TMEFF2: variants seen among roughly 807,000 people sequenced by gnomAD.
TMEFF2 encodes the protein tomoregulin-2.
Under a neutral mutation model 53.8 loss-of-function variants are expected in TMEFF2, and 28 were observed. That is an observed-to-expected ratio of 0.52 (90% CI 0.39 to 0.71). The LOEUF (loss-of-function observed/expected upper bound fraction) is 0.71, where lower values mean the gene tolerates loss of function less well. Among genes scored for constraint, TMEFF2 ranks in the 30% least tolerant of loss-of-function variants. TMEFF2 has a pLI of 0.00. For synonymous variants in TMEFF2, 162 were observed against 166.3 expected, an observed-to-expected ratio of 0.97 and a Z score of 0.20; for missense variants, 353 against 455.2, an observed-to-expected ratio of 0.78 and a Z score of 2.04.
Position 191,982,377 on chromosome 2 carries a change from A to G in TMEFF2, c.745+15885T>C, listed in dbSNP as rs541818544. On this transcript the variant is annotated intron_variant, in intron 7 of 9. Transcript: ENST00000272771. ...GTCTTCCTCCTGAGGATTAGTGTAT[A>G]GCAACAACTAGAACCAAGGGTGCAT... Among the ~76,000 whole-genome samples the G allele has an allele frequency of 3.9e-5, 6 of 152,262 alleles. No homozygotes were observed. In the East Asian group the frequency reaches 1.2e-3, roughly 29 times the overall value.
chr2:192,065,377 TAAAGC>T (rs1404403854), intron 4 of TMEFF2, among the ~76,000 whole-genome samples: 1 of 151,774 alleles, frequency 6.6e-6, no homozygotes, highest in Non-Finnish European at 1.5e-5. Context: ...AAGTGTGAAA[TAAAGC>T]AGGCAGTCCC....
At chr2:192,018,373 T>G (rs1042464911) in intron 5 of TMEFF2, among the ~76,000 whole-genome samples, 1 of 152,146 alleles carries the variant, frequency 6.6e-6, no homozygotes, top group African/African-American at 2.4e-5. Flanking sequence ...TTAAATTTCT[T>G]TTTTTACCCT....
intron 5 of TMEFF2, chr2:192,038,008 G>A (rs1465342774): frequency 6.6e-6 from 1 of 152,180 alleles, no homozygotes; most frequent in African/African-American, 2.4e-5. Context: ...TACAGATGGA[G>A]GAAAGTCACG....
chr2:191,970,578 A>T (rs541377036), intron 7 of TMEFF2, among the ~76,000 whole-genome samples: 1 of 152,266 alleles, frequency 6.6e-6, no homozygotes, highest in Non-Finnish European at 1.5e-5. Flanking sequence ...AACTTGAGAG[A>T]AAGTGTGGCC....
At chr2:192,093,722 T>C (rs16834171) in intron 4 of TMEFF2, among the ~76,000 whole-genome samples, 20 of 152,098 alleles carry the variant, frequency 1.3e-4, no homozygotes, top group African/African-American at 4.1e-4. Flanking sequence ...TTGCCACTTC[T>C]AGATCCACTG....
intron 4 of TMEFF2, among the ~76,000 whole-genome samples, chr2:192,174,749 T>G (rs1690997608): frequency 6.6e-6 from 1 of 151,662 alleles, no homozygotes; most frequent in Admixed American, 6.6e-5. Flanking sequence ...TCAGCAGAAG[T>G]TGCTTACAAT....
intron 2 of TMEFF2, among the ~76,000 whole-genome samples, chr2:192,185,316 T>C (rs4267464): frequency 0.89 from 134,331 of 150,798 alleles, 59,495 homozygotes; most frequent in East Asian, 1. Flanking sequence ...TTGGCTTTGT[T>C]CTATGCCTGC....
At chr2:192,136,336 G>T (rs1185076195) in intron 4 of TMEFF2, among the ~76,000 whole-genome samples, 1 of 152,030 alleles carries the variant, frequency 6.6e-6, no homozygotes, top group Admixed American at 6.5e-5. Context: ...TCATCCTAAG[G>T]TTAATTGCTA....
intron 4 of TMEFF2, among the ~76,000 whole-genome samples, chr2:192,067,610 A>G (rs1688196526): frequency 6.6e-6 from 1 of 151,862 alleles, no homozygotes; most frequent in Non-Finnish European, 1.5e-5. Context: ...TAAGCCTCTA[A>G]TGAATAAAGA....
intron 4 of TMEFF2, among the ~76,000 whole-genome samples, chr2:192,171,680 T>C (rs1237764326): frequency 1.3e-5 from 2 of 151,990 alleles, no homozygotes; most frequent in East Asian, 3.9e-4. Flanking sequence ...TCCCTTTGCC[T>C]GCAATGTCCT....
At chr2:192,007,395 T>A (rs1414728138) in intron 5 of TMEFF2, among the ~76,000 whole-genome samples, 4 of 152,144 alleles carry the variant, frequency 2.6e-5, no homozygotes, top group East Asian at 3.8e-4. Flanking sequence ...TCCTTAAGAC[T>A]CTTTTGTTTA....
intron 5 of TMEFF2, among the ~76,000 whole-genome samples, chr2:192,019,506 A>G (rs1008525509): frequency 6.6e-6 from 1 of 152,114 alleles, no homozygotes; most frequent in Non-Finnish European, 1.5e-5. Flanking sequence ...TAACTCTACT[A>G]TAATGGATGC....
At chr2:192,123,345 TC>T (rs2105968655) in intron 4 of TMEFF2, among the ~76,000 whole-genome samples, 1 of 152,310 alleles carries the variant, frequency 6.6e-6, no homozygotes, top group South Asian at 2.1e-4. Flanking sequence ...ATGTTTTTTT[TC>T]CTAGAGTCAA....
chr2:192,056,004 A>G (rs1413838965), intron 5 of TMEFF2, among the ~76,000 whole-genome samples: 1 of 152,134 alleles, frequency 6.6e-6, no homozygotes, highest in African/African-American at 2.4e-5. Context: ...TTTACTTGTA[A>G]GTACGTAGTT....
chr2:191,978,646 C>A (rs1379319576), intron 7 of TMEFF2, among the ~76,000 whole-genome samples: 1 of 152,028 alleles, frequency 6.6e-6, no homozygotes, highest in Non-Finnish European at 1.5e-5. Context: ...AGCCTGAGCT[C>A]CCTTATAAAT....
intron 7 of TMEFF2, among the ~76,000 whole-genome samples, chr2:191,981,872 A>C (rs374122380): frequency 6.6e-6 from 1 of 152,138 alleles, no homozygotes; most frequent in African/African-American, 2.4e-5. Flanking sequence ...TTCATCTTCC[A>C]CATGAATAGA....
At chr2:192,166,452 T>C (rs185982931) in intron 4 of TMEFF2, among the ~76,000 whole-genome samples, 22 of 152,318 alleles carry the variant, frequency 1.4e-4, no homozygotes, top group African/African-American at 4.3e-4. Flanking sequence ...TTTCTTACAA[T>C]GTATTACATT....
rs1687938872 is a variant in TMEFF2 at position 192,057,463 on chromosome 2, T to A, written c.536+216A>T. 1.3e-5 allele frequency among the ~76,000 whole-genome samples: 2 copies of A among 152,318 alleles called. 1 individual carries two copies. Among genetic ancestry groups the A allele is most frequent in the Middle Eastern group, 6.8e-3 (2 of 294 alleles). On this transcript the variant is annotated intron_variant, in intron 5 of 9. Transcript: ENST00000272771. ...TTGGGGGGCTTCAATGATATTTTAGTGTGCCTTATCAAGTAATGCCATGGA... is the reference window on the plus strand; with the variant it reads ...TTGGGGGGCTTCAATGATATTTTAGAGTGCCTTATCAAGTAATGCCATGGA...
chr2:192,189,964 C>G (rs1464889782), intron 2 of TMEFF2, among the ~76,000 whole-genome samples: 3 of 152,118 alleles, frequency 2.0e-5, no homozygotes, highest in Admixed American at 6.5e-5. Flanking sequence ...TACAAAAAAA[C>G]AATTTACATT....
Sources: gnomAD v4.1 joint callset for allele counts (sites outside exome capture counted in the v4.1 genomes callset) on GRCh38, gnomAD v4.1.1 for gene constraint, MANE v1.5 for transcripts, NCBI Gene and HGNC (gene_info 2026-07-23, HGNC 2026-07-21) for gene names.